Variants in GLCE observed in about 807,000 individuals in gnomAD.
GLCE encodes D-glucuronyl C5-epimerase.
GLCE carries 19 observed loss-of-function variants against 47.9 expected under a neutral mutation model. The ratio of observed to expected loss-of-function variants is 0.40; its 90% CI spans 0.28 to 0.58. GLCE has a LOEUF of 0.58. Among genes scored for constraint, GLCE ranks in the 20% least tolerant of loss-of-function variants. The probability of loss-of-function intolerance (pLI) is 0.48; values close to 1 mark genes in which losing one functional copy is unlikely to be tolerated. For missense variants in GLCE, 556 were observed against 743.3 expected, an observed-to-expected ratio of 0.75 and a Z score of 2.93; for synonymous variants, 245 against 263.4, an observed-to-expected ratio of 0.93 and a Z score of 0.68.
intron 2 of GLCE, among the ~76,000 whole-genome samples, chr15:69,243,994 TGTTA>T (rs2052712652): frequency 6.6e-6 from 1 of 152,228 alleles, no homozygotes; most frequent in African/African-American, 2.4e-5. Context: ...TTTCTTGTAC[TGTTA>T]GTTACTCACA....
At chr15:69,225,954 C>G (rs555613727) in intron 2 of GLCE, among the ~76,000 whole-genome samples, 2 of 152,154 alleles carry the variant, frequency 1.3e-5, no homozygotes, top group Admixed American at 1.3e-4. Flanking sequence ...CCCAGTGTTA[C>G]ATATATGACG....
At chr15:69,207,605 A>G (rs1350810636) in intron 1 of GLCE, among the ~76,000 whole-genome samples, 5 of 152,150 alleles carry the variant, frequency 3.3e-5, no homozygotes, top group Admixed American at 3.3e-4. Flanking sequence ...ATTTCTGCAT[A>G]GTATTTTATT....
At chr15:69,267,457 C>T (rs935452619) in intron 4 of GLCE, among the ~76,000 whole-genome samples, 2 of 152,248 alleles carry the variant, frequency 1.3e-5, no homozygotes, top group Admixed American at 6.5e-5. Context: ...TTTACCCTGT[C>T]ACTCCACCAT....
At chr15:69,263,819 T>TG (rs1361935065) in intron 4 of GLCE, among the ~76,000 whole-genome samples, 1 of 152,208 alleles carries the variant, frequency 6.6e-6, no homozygotes, top group Non-Finnish European at 1.5e-5. Flanking sequence ...ATTAAACGAA[T>TG]GGATTGATTA....
chr15:69,166,639 G>A (rs2051505291), intron 1 of GLCE, among the ~76,000 whole-genome samples: 1 of 152,164 alleles, frequency 6.6e-6, no homozygotes, highest in Non-Finnish European at 1.5e-5. Context: ...ATTACTCGAG[G>A]CCAGGCGCGG....
At chr15:69,209,039 C>T (rs1026459500) in intron 1 of GLCE, among the ~76,000 whole-genome samples, 5 of 151,872 alleles carry the variant, frequency 3.3e-5, no homozygotes, top group African/African-American at 7.3e-5. Flanking sequence ...TTTCTTCTGT[C>T]GTCTTGATTC....
intron 2 of GLCE, among the ~76,000 whole-genome samples, chr15:69,222,015 C>A (rs1460709430): frequency 6.6e-6 from 1 of 152,044 alleles, no homozygotes; most frequent in Admixed American, 6.6e-5. Flanking sequence ...ATCTTTATTG[C>A]CTCAAGAGTT....
chr15:69,194,598 T>C (rs1028789118), intron 1 of GLCE: 1 of 152,082 alleles, frequency 6.6e-6, no homozygotes, highest in East Asian at 1.9e-4. Context: ...TAGGTATGGG[T>C]TCTGGCAGTA....
At chr15:69,177,700 T>C (rs535872127) in intron 1 of GLCE, among the ~76,000 whole-genome samples, 2 of 137,838 alleles carry the variant, frequency 1.5e-5, no homozygotes, top group East Asian at 2.0e-4. Flanking sequence ...TCATCTTTAC[T>C]TCATGCCGCT....
chr15:69,197,706 A>G (rs1259482719), intron 1 of GLCE, among the ~76,000 whole-genome samples: 1 of 152,162 alleles, frequency 6.6e-6, no homozygotes, highest in Non-Finnish European at 1.5e-5. Flanking sequence ...AGATGGGATG[A>G]AAAGCTTGGT....
intron 1 of GLCE, among the ~76,000 whole-genome samples, chr15:69,167,676 A>G (rs1440403468): frequency 6.6e-6 from 1 of 152,202 alleles, no homozygotes; most frequent in African/African-American, 2.4e-5. Context: ...AAAGATAACC[A>G]TGAGTAGTAT....
chr15:69,181,004 G>A (rs961621597), intron 1 of GLCE, among the ~76,000 whole-genome samples: 8 of 152,156 alleles, frequency 5.3e-5, no homozygotes, highest in Non-Finnish European at 1.2e-4. Context: ...GTGGTGGTGA[G>A]TAATTGACAT....
Position 69,182,269 on chromosome 15 carries a change from TTGTGTGTGTGTG to T in GLCE, c.-105+21531_-105+21542del, listed in dbSNP as rs34135980. On this transcript the variant is annotated intron_variant, in intron 1 of 4. Transcript: ENST00000261858. Reference sequence around the variant, plus strand: ...AACCAATTTATCAGACATCGTGTATTTGTGTGTGTGTGTGTGTGTGTGTGTGTGTGAGAGAGA... The same window carrying T: ...AACCAATTTATCAGACATCGTGTATTTGTGTGTGTGTGTGTGTGAGAGAGA... 6.9e-5 allele frequency among the ~76,000 whole-genome samples: 10 copies of T among 144,918 alleles called. No individual in the cohort carries two copies. In the South Asian group the frequency reaches 2.2e-3, roughly 32 times the overall value.
chr15:69,208,076 T>C (rs544191224), intron 1 of GLCE, among the ~76,000 whole-genome samples: 1 of 152,174 alleles, frequency 6.6e-6, no homozygotes, highest in East Asian at 1.9e-4. Flanking sequence ...GCAGGTATTA[T>C]CTCCCTGTCA....
intron 1 of GLCE, among the ~76,000 whole-genome samples, chr15:69,204,487 G>A (rs1445884353): frequency 6.6e-6 from 1 of 151,892 alleles, no homozygotes; most frequent in South Asian, 2.1e-4. Flanking sequence ...GTTTCACCAT[G>A]TTGGCCAGGC....
At chr15:69,217,344 G>A (rs1346189399) in intron 2 of GLCE, among the ~76,000 whole-genome samples, 5 of 151,350 alleles carry the variant, frequency 3.3e-5, no homozygotes, top group Non-Finnish European at 7.4e-5. Context: ...TAAATGAGAT[G>A]TAAATAAGAC....
chr15:69,224,853 C>T (rs1048797514), intron 2 of GLCE, among the ~76,000 whole-genome samples: 1 of 152,244 alleles, frequency 6.6e-6, no homozygotes, highest in Non-Finnish European at 1.5e-5. Context: ...TTACTTTAGA[C>T]AGATTCTGCC....
intron 1 of GLCE, among the ~76,000 whole-genome samples, chr15:69,164,247 C>T (rs1053818478): frequency 6.6e-6 from 1 of 151,912 alleles, no homozygotes; most frequent in Non-Finnish European, 1.5e-5. Flanking sequence ...TATTACACTG[C>T]TGAAAATGAC....
At chr15:69,243,920 G>A (rs1050974389) in intron 2 of GLCE, among the ~76,000 whole-genome samples, 6 of 152,036 alleles carry the variant, frequency 3.9e-5, no homozygotes, top group South Asian at 2.1e-4. Flanking sequence ...GATGACAGGC[G>A]TGAGCCACCA....
Sources: allele counts gnomAD v4.1 joint callset (sites outside exome capture counted in the v4.1 genomes callset), GRCh38; gene constraint gnomAD v4.1.1; transcripts MANE v1.5; gene names NCBI Gene and HGNC (gene_info 2026-07-23, HGNC 2026-07-21).